KSR2: variants seen among roughly 807,000 people sequenced by gnomAD.
KSR2 encodes the protein kinase suppressor of ras 2.
A neutral mutation model predicts 107.8 loss-of-function variants in KSR2; 25 were observed. That is an observed-to-expected ratio of 0.23 (90% CI 0.17 to 0.32). KSR2 has a LOEUF of 0.32. Among genes scored for constraint, KSR2 ranks in the 10% least tolerant of loss-of-function variants. The probability of loss-of-function intolerance (pLI) is 1.00; values close to 1 mark genes in which losing one functional copy is unlikely to be tolerated. For synonymous variants in KSR2, 480 were observed against 507.0 expected (o/e 0.95, Z 0.71); for missense variants, 887 against 1,268.9 (o/e 0.70, Z 4.57).
intron 9 of KSR2, among the ~76,000 whole-genome samples, chr12:117,541,121 A>G (rs1330252723): frequency 6.6e-6 from 1 of 151,612 alleles, no homozygotes; most frequent in South Asian, 2.1e-4. Flanking sequence ...GCAGGGGGGA[A>G]CAGTAGCTGA....
chr12:117,526,043 T>C (rs1431286835), intron 13 of KSR2, among the ~76,000 whole-genome samples: 1 of 152,178 alleles, frequency 6.6e-6, no homozygotes, highest in Non-Finnish European at 1.5e-5. Context: ...AGGTTTTAGA[T>C]GAAGGCCTGT....
intron 5 of KSR2, among the ~76,000 whole-genome samples, chr12:117,627,402 A>G (rs1882578197): frequency 6.6e-6 from 1 of 152,334 alleles, no homozygotes; most frequent in South Asian, 2.1e-4. Flanking sequence ...CCTGGTGGTG[A>G]CAAAATCTCT....
chr12:117,626,383 C>T (rs1051683983), intron 5 of KSR2, among the ~76,000 whole-genome samples: 3 of 152,078 alleles, frequency 2.0e-5, no homozygotes, highest in African/African-American at 7.2e-5. Flanking sequence ...TAAATGTGTC[C>T]CAGAGATTCT....
At chr12:117,896,967 G>A (rs1894533133) in intron 1 of KSR2, among the ~76,000 whole-genome samples, 1 of 152,142 alleles carries the variant, frequency 6.6e-6, no homozygotes, top group South Asian at 2.1e-4. Context: ...AGGATCCAGT[G>A]TTCACACTGG....
At position 117,550,159 on chromosome 12, in the gene KSR2, G is replaced by C. The variant is rs534216895; in HGVS notation, c.1518+5010C>G. On this transcript the variant is annotated intron_variant, in intron 9 of 19. Coordinates refer to ENST00000339824, the MANE Select transcript of KSR2 (RefSeq NM_173598.6). ...GTCCAACTACTTCATTCTGTAGGAG[G>C]GGATGCTGAGACTGTAAGGTGAGAG... is the stretch of plus-strand genomic sequence containing the variant. Among the ~76,000 whole-genome samples the C allele has an allele frequency of 7.2e-5, 11 of 152,330 alleles. No homozygotes were observed. In the South Asian group the frequency reaches 2.3e-3, roughly 32 times the overall value.
rs1172439708 is a variant in KSR2 at position 117,461,969 on chromosome 12, G to C, written c.*5230C>G. On this transcript the variant is annotated 3_prime_UTR_variant, in exon 20 of 20. Coordinates refer to ENST00000339824, the MANE Select transcript of KSR2 (RefSeq NM_173598.6). ...GATAGGGTCATGAGGCACATTCAGGGGTCAAGTGACAGTCCGCTACAGACA... is the reference window on the plus strand; with the variant it reads ...GATAGGGTCATGAGGCACATTCAGGCGTCAAGTGACAGTCCGCTACAGACA... 6.6e-6 allele frequency: 1 copy of C among 152,110 alleles called. No homozygotes were observed. The highest frequency in any genetic ancestry group is 2.4e-5 in the African/African-American group (1 of 41,404). The allele number at this position is 152,110 out of a possible 1,614,324, so 9.4% of individuals were successfully genotyped here. A position where few individuals can be genotyped will look rare whatever the true frequency, so the allele number is the denominator to read the frequency against.
chr12:117,560,519 G>C (rs1453562627), intron 7 of KSR2, among the ~76,000 whole-genome samples: 1 of 152,166 alleles, frequency 6.6e-6, no homozygotes. Flanking sequence ...CACCAGAGAG[G>C]TCTCTCCAAC....
At chr12:117,485,768 C>T (rs1872428511) in intron 14 of KSR2, 77 bp from the exon 15 acceptor site, 1 of 959,080 alleles carries the variant, frequency 1.0e-6, no homozygotes, top group African/African-American at 1.6e-5. Flanking sequence ...CTACAAGTGA[C>T]AAATGATGGC....
intron 4 of KSR2, among the ~76,000 whole-genome samples, chr12:117,753,153 C>T (rs1888667223): frequency 6.6e-6 from 1 of 152,206 alleles, no homozygotes; most frequent in Admixed American, 6.5e-5. Flanking sequence ...AGGATTAAAT[C>T]CATAATCTAT....
chr12:117,861,578 C>T (rs1211275543), intron 1 of KSR2, among the ~76,000 whole-genome samples: 2 of 151,470 alleles, frequency 1.3e-5, no homozygotes, highest in Admixed American at 6.6e-5. Context: ...TTAGTAGAGA[C>T]GGGGTTTCAC....
chr12:117,647,151 G>A (rs1883684472), intron 5 of KSR2, among the ~76,000 whole-genome samples: 1 of 152,206 alleles, frequency 6.6e-6, no homozygotes, highest in Non-Finnish European at 1.5e-5. Context: ...TGTGACGGAG[G>A]AAGAGAGTAA....
At chr12:117,816,300 T>A (rs952246068) in intron 3 of KSR2, among the ~76,000 whole-genome samples, 12 of 152,176 alleles carry the variant, frequency 7.9e-5, no homozygotes, top group African/African-American at 2.9e-4. Context: ...CGGCCCCAGC[T>A]GAGGCTTTAG....
chr12:117,660,684 C>T (rs1262718869), intron 5 of KSR2, among the ~76,000 whole-genome samples: 2 of 152,128 alleles, frequency 1.3e-5, no homozygotes, highest in African/African-American at 4.8e-5. Context: ...CCGAATCTAC[C>T]TCATTAAACA....
chr12:117,817,829 G>A (rs980809034), intron 3 of KSR2, among the ~76,000 whole-genome samples: 4 of 152,062 alleles, frequency 2.6e-5, no homozygotes, highest in Non-Finnish European at 4.4e-5. Flanking sequence ...GGCTGGGCGC[G>A]GTGGCTCACA....
intron 1 of KSR2, among the ~76,000 whole-genome samples, chr12:117,920,914 G>A (rs926304757): frequency 7.9e-5 from 12 of 152,112 alleles, no homozygotes; most frequent in South Asian, 6.2e-4. Flanking sequence ...GAGAAAATGT[G>A]GACTCGCTGT....
chr12:117,621,213 C>A (rs1882178838), intron 5 of KSR2, among the ~76,000 whole-genome samples: 1 of 152,164 alleles, frequency 6.6e-6, no homozygotes, highest in Non-Finnish European at 1.5e-5. Flanking sequence ...TCTCTCTTAC[C>A]TGCCACCATG....
At chr12:117,714,302 C>T (rs748387138) in intron 4 of KSR2, among the ~76,000 whole-genome samples, 2 of 151,944 alleles carry the variant, frequency 1.3e-5, no homozygotes, top group Non-Finnish European at 2.9e-5. Flanking sequence ...CCAACATGTA[C>T]GCCTCTTATG....
intron 1 of KSR2, among the ~76,000 whole-genome samples, chr12:117,881,793 G>C (rs1276931482): frequency 6.6e-6 from 1 of 152,222 alleles, no homozygotes; most frequent in African/African-American, 2.4e-5. Context: ...GGAAGAGACA[G>C]AGCCATAGGC....
chr12:117,537,660 T>C (rs1332888685), intron 10 of KSR2, among the ~76,000 whole-genome samples: 1 of 152,172 alleles, frequency 6.6e-6, no homozygotes, highest in African/African-American at 2.4e-5. Context: ...GCAGAACCCA[T>C]ACTCTAACTG....
Sources: allele counts gnomAD v4.1 joint callset (sites outside exome capture counted in the v4.1 genomes callset), GRCh38; gene constraint gnomAD v4.1.1; transcripts MANE v1.5; gene names NCBI Gene and HGNC (gene_info 2026-07-23, HGNC 2026-07-21).